AKAP10: variants seen among roughly 807,000 people sequenced by gnomAD.
AKAP10 encodes the protein A-kinase anchor protein 10, mitochondrial.
A neutral mutation model predicts 80.8 loss-of-function variants in AKAP10; 24 were observed. That is an observed-to-expected ratio of 0.30 (90% CI 0.22 to 0.42). AKAP10 has a LOEUF of 0.42. Among genes scored for constraint, AKAP10 ranks in the 10% least tolerant of loss-of-function variants. AKAP10 has a pLI of 1.00. For synonymous variants in AKAP10, 291 were observed against 277.7 expected, an observed-to-expected ratio of 1.05 and a Z score of -0.48; for missense variants, 661 against 794.9, an observed-to-expected ratio of 0.83 and a Z score of 2.03.
At chr17:19,971,503 C>G (rs1181465196) in intron 1 of AKAP10, among the ~76,000 whole-genome samples, 1 of 142,196 alleles carries the variant, frequency 7.0e-6, no homozygotes, top group South Asian at 2.2e-4. Flanking sequence ...AGTGAGACTC[C>G]ATCTCAAAAA....
At chr17:19,914,687 T>TGG (rs1245867753) in intron 12 of AKAP10, among the ~76,000 whole-genome samples, 1 of 134,598 alleles carries the variant, frequency 7.4e-6, no homozygotes, top group Non-Finnish European at 1.6e-5. Flanking sequence ...TGGTAGTGAG[T>TGG]GGTATATACA....
intron 12 of AKAP10, among the ~76,000 whole-genome samples, chr17:19,919,585 G>A (rs568346150): frequency 6.6e-6 from 1 of 151,892 alleles, no homozygotes; most frequent in Non-Finnish European, 1.5e-5. Flanking sequence ...TCAGGAGGAT[G>A]AGGCAGGAAA....
At position 19,917,221 on chromosome 17, in the gene AKAP10, C is replaced by T. The variant is rs537826911; in HGVS notation, c.1834+2815G>A. On this transcript the variant is annotated intron_variant, in intron 12 of 14. Transcript: ENST00000225737. ...CAGAGCTTGCAGTGAGCCAAGATCG[C>T]GCCACAGCACTCCAGCCTGGCCGAC... 1.2e-4 allele frequency among the ~76,000 whole-genome samples: 18 copies of T among 150,164 alleles called. No homozygotes were observed. The East Asian group carries it at 1.8e-3, about 15-fold the overall frequency.
intron 2 of AKAP10, 71 bp downstream of exon 2, chr17:19,968,343 A>G (rs374866411): frequency 8.6e-5 from 102 of 1,185,912 alleles, no homozygotes; most frequent in Non-Finnish European, 1.1e-4. Context: ...AGAGTATAAC[A>G]GGATTAAAGA....
chr17:19,909,816 T>A (rs2042669651), intron 13 of AKAP10, 110 bp downstream of exon 13: 3 of 875,040 alleles, frequency 3.4e-6, no homozygotes, highest in Admixed American at 2.5e-5. Context: ...AACATAAATG[T>A]GCCATGCTGC....
rs748806617 is a variant in AKAP10, at chr17:19,920,150, C to T, written c.1752-32G>A. 12 of 1,483,960 alleles carry T rather than the reference C, an allele frequency of 8.1e-6. No individual in the cohort carries two copies. In the Admixed American group the frequency reaches 1.4e-4, roughly 17 times the overall value. 91.9% of individuals were successfully genotyped at this position (1,483,960 alleles called of 1,614,324 possible). A position where few individuals can be genotyped will look rare whatever the true frequency, so the allele number is the denominator to read the frequency against. ...AAGAATGAACAGAAGACTTTAACTT[C>T]TAACAATCAGTTTTAAATTTAGGAG... On this transcript the variant is annotated intron_variant, in intron 11 of 14. Transcript: ENST00000225737.
At position 19,910,016 on chromosome 17, in the gene AKAP10, C is replaced by T. The variant is rs2042671874; in HGVS notation, c.1835-38G>A. 6 of 1,588,016 alleles carry T rather than the reference C, an allele frequency of 3.8e-6. No individual in the cohort carries two copies. The African/African-American group carries it at 4.0e-5, about 11-fold the overall frequency. On this transcript the variant is annotated intron_variant, in intron 12 of 14. Transcript: ENST00000225737. ...GACAAAATTGAATGTACATTTCATGCATAATTTTACATTAAAAATGCTCTT... is the reference window on the plus strand; with the variant it reads ...GACAAAATTGAATGTACATTTCATGTATAATTTTACATTAAAAATGCTCTT...
intron 1 of AKAP10, among the ~76,000 whole-genome samples, chr17:19,974,200 GA>G (rs1310656052): frequency 6.6e-6 from 1 of 151,848 alleles, no homozygotes; most frequent in Non-Finnish European, 1.5e-5. Flanking sequence ...TCAAAAAAAA[GA>G]AAAGAAAAAA....
Position 19,930,774 on chromosome 17 carries a change from G to A in AKAP10, c.1641+1031C>T, listed in dbSNP as rs1286686105. Among the ~76,000 whole-genome samples, 5 of 152,260 alleles carry A rather than the reference G, an allele frequency of 3.3e-5. No individual in the cohort carries two copies. In the East Asian group the frequency reaches 9.6e-4, roughly 29 times the overall value. Reference sequence around the variant, plus strand: ...TCACCATGCAGGAGTGCAGTGGCGTGATCTCGGCTCACTGCAACCTCCGAC... The same window carrying A: ...TCACCATGCAGGAGTGCAGTGGCGTAATCTCGGCTCACTGCAACCTCCGAC... On this transcript the variant is annotated intron_variant, in intron 10 of 14. Transcript: ENST00000225737.
At chr17:19,909,326 C>A in intron 13 of AKAP10, 50 bp from the exon 14 acceptor site, 1 of 1,484,014 alleles carries the variant, frequency 6.7e-7, no homozygotes. Flanking sequence ...TTAGATGGAT[C>A]GAGATGCACA....
intron 3 of AKAP10, among the ~76,000 whole-genome samples, chr17:19,959,886 G>A (rs58524683): frequency 0.012 from 1,872 of 152,222 alleles, 37 homozygotes; most frequent in African/African-American, 0.043. Flanking sequence ...GATCTTCTGT[G>A]AGGTTTACAA....
chr17:19,906,163 C>A lies in AKAP10; in HGVS notation c.*64G>T. 6.5e-7 allele frequency: 1 copy of A among 1,543,254 alleles called. No individual in the cohort carries two copies. Among genetic ancestry groups the A allele is most frequent in the South Asian group, 1.1e-5 (1 of 89,122 alleles). Reference sequence around the variant, plus strand: ...GTTTTCATTGGCTGTGTTGAAGAATCCAACCAAGGGAAAAAAGTTCTCTTA... The same window carrying A: ...GTTTTCATTGGCTGTGTTGAAGAATACAACCAAGGGAAAAAAGTTCTCTTA... On this transcript the variant is annotated 3_prime_UTR_variant, in exon 15 of 15. Coordinates refer to ENST00000225737, the MANE Select transcript of AKAP10 (RefSeq NM_007202.4).
At chr17:19,976,306 A>AGCCCC (rs1358057472) in intron 1 of AKAP10, among the ~76,000 whole-genome samples, 2 of 151,992 alleles carry the variant, frequency 1.3e-5, no homozygotes, top group African/African-American at 4.8e-5. Context: ...AACATGGTGA[A>AGCCCC]GCCCCGTTTC....
chr17:19,945,998 T>C (rs773173683), intron 5 of AKAP10, among the ~76,000 whole-genome samples: 6 of 150,000 alleles, frequency 4.0e-5, no homozygotes, highest in Non-Finnish European at 5.9e-5. Flanking sequence ...CTATAAGAAA[T>C]ATATTTGTTG....
At chr17:19,923,395 AAAG>A (rs2042839782) in intron 11 of AKAP10, among the ~76,000 whole-genome samples, 1 of 151,750 alleles carries the variant, frequency 6.6e-6, no homozygotes. Context: ...TTATTTTCTA[AAAG>A]AAGAACTAAA....
In AKAP10 at chr17:19,931,696, C is replaced by T. The variant is rs981689128; in HGVS notation, c.1641+109G>A. 25 of 1,333,110 alleles carry T rather than the reference C, an allele frequency of 1.9e-5. 1 individual carries two copies. The highest frequency in any genetic ancestry group is 6.2e-5 in the South Asian group (4 of 64,832). The allele number at this position is 1,333,110 out of a possible 1,614,324, so 82.6% of individuals were successfully genotyped here. ...ACAGGCCACTGTGCCTGGCTTTTAT[C>T]TTTTTTTTCCACAACTTAAAATTTA... On this transcript the variant is annotated intron_variant, in intron 10 of 14. Coordinates refer to ENST00000225737, the MANE Select transcript of AKAP10 (RefSeq NM_007202.4).
intron 9 of AKAP10, among the ~76,000 whole-genome samples, chr17:19,932,456 A>C (rs1394610434): frequency 6.6e-6 from 1 of 151,758 alleles, no homozygotes; most frequent in Non-Finnish European, 1.5e-5. Context: ...GTCTAAAAAA[A>C]AAAAAAAAAA....
chr17:19,950,570 C>T lies in AKAP10; in HGVS notation c.878-3065G>A, dbSNP rs1361795065. ...GAGTGATCTGCCTGCCTCGGCCTCC[C>T]GAGGTGCCAGGATTGCAGACGGAGT... On this transcript the variant is annotated intron_variant, in intron 4 of 14. Coordinates refer to ENST00000225737, the MANE Select transcript of AKAP10 (RefSeq NM_007202.4). Among the ~76,000 whole-genome samples the T allele has an allele frequency of 2.0e-5, 3 of 152,250 alleles. No individual in the cohort carries two copies. The South Asian group carries it at 6.2e-4, about 31-fold the overall frequency.
At chr17:19,942,784 G>A (rs2043063190) in intron 5 of AKAP10, among the ~76,000 whole-genome samples, 1 of 152,028 alleles carries the variant, frequency 6.6e-6, no homozygotes, top group African/African-American at 2.4e-5. Flanking sequence ...ACTTTAGTGG[G>A]ACCTTCATGA....
Sources: gnomAD v4.1 joint callset for allele counts (sites outside exome capture counted in the v4.1 genomes callset) on GRCh38, gnomAD v4.1.1 for gene constraint, MANE v1.5 for transcripts, NCBI Gene and HGNC (gene_info 2026-07-23, HGNC 2026-07-21) for gene names.